Variants in ARMC8 observed in about 807,000 individuals in gnomAD.
The protein encoded by ARMC8 is armadillo repeat-containing protein 8.
A neutral mutation model predicts 99.3 loss-of-function variants in ARMC8; 20 were observed. That is an observed-to-expected ratio of 0.20 (90% confidence interval 0.14 to 0.29). ARMC8 has a LOEUF of 0.29. Among genes scored for constraint, ARMC8 ranks in the 10% least tolerant of loss-of-function variants. The probability of loss-of-function intolerance (pLI) is 1.00; values close to 1 mark genes in which losing one functional copy is unlikely to be tolerated. For missense variants in ARMC8, 569 were observed against 809.5 expected, an observed-to-expected ratio of 0.70 and a Z score of 3.60; for synonymous variants, 263 against 278.3, an observed-to-expected ratio of 0.95 and a Z score of 0.55.
chr3:138,259,773 G>A (rs1224831643), intron 12 of ARMC8, among the ~76,000 whole-genome samples: 1 of 152,124 alleles, frequency 6.6e-6, no homozygotes, highest in African/African-American at 2.4e-5. Context: ...AAGTATCAGG[G>A]ACCATACACC....
At position 138,298,189 on chromosome 3, in the gene ARMC8, C is replaced by T. The variant is rs1560076516; in HGVS notation, c.*2297C>T. On this transcript the variant is annotated 3_prime_UTR_variant, in exon 22 of 22. Coordinates refer to ENST00000469044, the MANE Select transcript of ARMC8 (RefSeq NM_001363941.2). ...CTTAACTAAGCTTCTCGCTCTAATA[C>T]TGCATTCTGTTTCTCCTTTTGTGCC... is the stretch of plus-strand genomic sequence containing the variant. 6.6e-6 allele frequency: 1 copy of T among 152,250 alleles called. No homozygotes were observed. Among genetic ancestry groups the T allele is most frequent in the Non-Finnish European group, 1.5e-5 (1 of 68,052 alleles). The allele number at this position is 152,250 out of a possible 1,614,324, so 9.4% of individuals were successfully genotyped here.
At chr3:138,237,799 T>A (rs1403990431) in intron 9 of ARMC8, among the ~76,000 whole-genome samples, 1 of 152,172 alleles carries the variant, frequency 6.6e-6, no homozygotes, top group Admixed American at 6.5e-5. Context: ...TCTGAGACTG[T>A]CTTCAGAAAA....
At chr3:138,267,319 A>G in intron 15 of ARMC8, 78 bp downstream of exon 15, 1 of 853,746 alleles carries the variant, frequency 1.2e-6, no homozygotes, top group Non-Finnish European at 1.8e-6. Context: ...AGTAGTTGAC[A>G]TTGAAATCTG....
chr3:138,190,354 T>C (rs984288229), intron 1 of ARMC8, among the ~76,000 whole-genome samples: 2 of 146,888 alleles, frequency 1.4e-5, no homozygotes, highest in Non-Finnish European at 3.0e-5. Flanking sequence ...TGGCGCAATC[T>C]CGACTCACTG....
chr3:138,271,253 A>AT (rs1157287275), intron 16 of ARMC8, among the ~76,000 whole-genome samples: 1 of 151,928 alleles, frequency 6.6e-6, no homozygotes, highest in Non-Finnish European at 1.5e-5. Context: ...CCCAGGACTT[A>AT]TTTTTTTTAA....
chr3:138,199,835 T>G (rs1193463712), intron 1 of ARMC8, among the ~76,000 whole-genome samples: 3 of 152,236 alleles, frequency 2.0e-5, no homozygotes, highest in Non-Finnish European at 4.4e-5. Context: ...GAATTTGTGA[T>G]TGATCTGAGC....
At chr3:138,278,503 C>CA (rs34583566) in intron 18 of ARMC8, among the ~76,000 whole-genome samples, 1,915 of 140,544 alleles carry the variant, frequency 0.014, 33 homozygotes, top group African/African-American at 0.042. Context: ...GACTCCATCT[C>CA]AAAAAAAAAA....
chr3:138,229,172 A>ATG (rs1352181966), intron 6 of ARMC8, 162 bp downstream of exon 6: 11 of 37,550 alleles, frequency 2.9e-4, no homozygotes, highest in South Asian at 2.0e-3. Flanking sequence ...ATATATATAT[A>ATG]TATATATATA....
intron 12 of ARMC8, among the ~76,000 whole-genome samples, chr3:138,260,108 C>T (rs2047620844): frequency 6.6e-6 from 1 of 152,226 alleles, no homozygotes; most frequent in Admixed American, 6.5e-5. Flanking sequence ...GCCTGTCACT[C>T]TCTGGGCACT....
chr3:138,236,095 C>T (rs1422722566), intron 7 of ARMC8, among the ~76,000 whole-genome samples: 2 of 152,082 alleles, frequency 1.3e-5, no homozygotes, highest in Non-Finnish European at 2.9e-5. Flanking sequence ...CGTGAGCCAC[C>T]GTGTCCGGCC....
intron 2 of ARMC8, among the ~76,000 whole-genome samples, chr3:138,212,529 G>A (rs569960228): frequency 3.9e-5 from 6 of 152,058 alleles, no homozygotes; most frequent in South Asian, 2.1e-4. Flanking sequence ...GGCTGGTCTC[G>A]AACTCCTGAC....
Position 138,237,289 on chromosome 3 carries a change from T to C in ARMC8, c.610-20T>C, listed in dbSNP as rs1425835218. On this transcript the variant is annotated intron_variant, in intron 7 of 21. Transcript: ENST00000469044. ...TTGCAGAATTAAACACATTTTTTGT[T>C]TGTTCATTTATTTTTACAGGTTCGA... 6.2e-7 allele frequency: 1 copy of C among 1,606,464 alleles called. No homozygotes were observed. Among genetic ancestry groups the C allele is most frequent in the Non-Finnish European group, 8.5e-7 (1 of 1,177,298 alleles).
intron 7 of ARMC8, 115 bp from the exon 8 acceptor site, chr3:138,237,194 T>C: frequency 1.2e-6 from 1 of 840,048 alleles, no homozygotes; most frequent in South Asian, 1.5e-5. Context: ...CTTTGAGGCC[T>C]GTTAGTATTT....
intron 16 of ARMC8, among the ~76,000 whole-genome samples, chr3:138,272,747 C>T (rs2048913305): frequency 6.6e-6 from 1 of 152,050 alleles, no homozygotes; most frequent in Non-Finnish European, 1.5e-5. Flanking sequence ...TGGTGGCTCG[C>T]GCCTGTACTC....
chr3:138,257,683 A>C (rs571502443), intron 12 of ARMC8, among the ~76,000 whole-genome samples: 7 of 152,312 alleles, frequency 4.6e-5, no homozygotes, highest in African/African-American at 1.4e-4. Flanking sequence ...ATAAAAAAAA[A>C]ATTTAAGTGA....
intron 1 of ARMC8, chr3:138,187,935 C>T (rs2043161212): frequency 2.7e-6 from 1 of 373,168 alleles, no homozygotes; most frequent in African/African-American, 2.1e-5. Flanking sequence ...TTTAGCGATG[C>T]CGCTTCCCGG....
chr3:138,228,614 AT>A (rs1442196604), intron 5 of ARMC8: 4 of 452,816 alleles, frequency 8.8e-6, no homozygotes, highest in African/African-American at 8.1e-5. Flanking sequence ...TTCAGAACTG[AT>A]TTCTGTCACT....
intron 18 of ARMC8, among the ~76,000 whole-genome samples, chr3:138,276,158 A>G (rs2049272554): frequency 6.6e-6 from 1 of 152,232 alleles, no homozygotes; most frequent in Non-Finnish European, 1.5e-5. Flanking sequence ...TTTCTCATAC[A>G]GATTTTGGAA....
intron 12 of ARMC8, among the ~76,000 whole-genome samples, chr3:138,250,381 G>A (rs2108210823): frequency 6.6e-6 from 1 of 152,196 alleles, no homozygotes; most frequent in South Asian, 2.1e-4. Flanking sequence ...CATTGAAGGT[G>A]TAAATAAGAG....
Sources: gnomAD v4.1 joint callset for allele counts (sites outside exome capture counted in the v4.1 genomes callset) on GRCh38, gnomAD v4.1.1 for gene constraint, MANE v1.5 for transcripts, NCBI Gene and HGNC (gene_info 2026-07-23, HGNC 2026-07-21) for gene names.